Variants in PPFIBP2 observed in about 807,000 individuals in gnomAD.
PPFIBP2 encodes PPFIB scaffold protein 2.
A neutral mutation model predicts 118.3 loss-of-function variants in PPFIBP2; 118 were observed. That is an observed-to-expected ratio of 1.00 (90% CI 0.86 to 1.16). The LOEUF (loss-of-function observed/expected upper bound fraction) is 1.16, where lower values mean the gene tolerates loss of function less well. PPFIBP2 is among the 50% of genes most tolerant of loss of function. PPFIBP2 has a pLI of 0.00. For missense variants in PPFIBP2, 1,195 were observed against 1,073.1 expected, an observed-to-expected ratio of 1.11 and a Z score of -1.59; for synonymous variants, 414 against 397.4, an observed-to-expected ratio of 1.04 and a Z score of -0.50.
At chr11:7,665,516 G>C in the PPFIBP2 span, 4 of 1,612,342 alleles carry the variant, frequency 2.5e-6, no homozygotes, top group Non-Finnish European at 3.4e-6. Context: ...GATCATGTCG[G>C]CAGTAACGAA....
intron 17 of PPFIBP2, among the ~76,000 whole-genome samples, chr11:7,647,669 T>C (rs895971009): frequency 6.6e-6 from 1 of 152,226 alleles, no homozygotes; most frequent in African/African-American, 2.4e-5. Flanking sequence ...TATGTTTATA[T>C]GTGTATTTCG....
chr11:7,647,918 T>C (rs1268832374), intron 17 of PPFIBP2, among the ~76,000 whole-genome samples: 1 of 152,246 alleles, frequency 6.6e-6, no homozygotes, highest in African/African-American at 2.4e-5. Flanking sequence ...CTGTTGTTGA[T>C]TGGCAAGTTT....
chr11:7,647,915 T>C (rs1433305014), intron 17 of PPFIBP2, among the ~76,000 whole-genome samples: 1 of 152,246 alleles, frequency 6.6e-6, no homozygotes, highest in Non-Finnish European at 1.5e-5. Flanking sequence ...TAGCTGTTGT[T>C]GATTGGCAAG....
At chr11:7,526,747 C>T (rs940166875) in intron 1 of PPFIBP2, among the ~76,000 whole-genome samples, 3 of 152,108 alleles carry the variant, frequency 2.0e-5, no homozygotes, top group African/African-American at 7.2e-5. Flanking sequence ...TATGCGGAAG[C>T]TTCTCTATCC....
intron 1 of PPFIBP2, among the ~76,000 whole-genome samples, chr11:7,534,510 A>G (rs1297413877): frequency 6.6e-6 from 1 of 152,296 alleles, no homozygotes; most frequent in East Asian, 1.9e-4. Context: ...AATTGTGTGT[A>G]TGCATGTGTG....
At chr11:7,665,597 C>A in the PPFIBP2 span, 7 of 1,541,344 alleles carry the variant, frequency 4.5e-6, no homozygotes, top group South Asian at 1.3e-5. Flanking sequence ...GGTGGAGTTC[C>A]TGATCCCAGG....
At chr11:7,629,051 C>G (rs1850405724) in intron 9 of PPFIBP2, among the ~76,000 whole-genome samples, 2 of 152,198 alleles carry the variant, frequency 1.3e-5, no homozygotes, top group Non-Finnish European at 2.9e-5. Context: ...TATGAGGTAT[C>G]TCAGACTCCT....
intron 17 of PPFIBP2, among the ~76,000 whole-genome samples, chr11:7,646,778 A>T (rs1475539480): frequency 6.6e-6 from 1 of 152,208 alleles, no homozygotes; most frequent in Non-Finnish European, 1.5e-5. Flanking sequence ...CCCATCTCTG[A>T]AATAACAAAT....
At chr11:7,651,602 C>A in intron 22 of PPFIBP2, 54 bp from the exon 23 acceptor site, 1 of 1,518,684 alleles carries the variant, frequency 6.6e-7, no homozygotes, top group South Asian at 1.2e-5. Flanking sequence ...GCATCCTCCC[C>A]CTCGAGCCAT....
intron 1 of PPFIBP2, among the ~76,000 whole-genome samples, chr11:7,531,609 G>A (rs1442621059): frequency 1.3e-5 from 2 of 152,218 alleles, no homozygotes; most frequent in East Asian, 3.9e-4. Flanking sequence ...GAGGCCGACA[G>A]CCCTGGAGAG....
intron 1 of PPFIBP2, among the ~76,000 whole-genome samples, chr11:7,518,150 G>C (rs1403209841): frequency 6.6e-6 from 1 of 152,358 alleles, no homozygotes; most frequent in African/African-American, 2.4e-5. Flanking sequence ...CATCATGATT[G>C]TTAAAGACTT....
At chr11:7,615,991 T>C (rs903015255) in intron 6 of PPFIBP2, among the ~76,000 whole-genome samples, 3 of 151,892 alleles carry the variant, frequency 2.0e-5, no homozygotes, top group Non-Finnish European at 4.4e-5. Context: ...TAGAGGTCTC[T>C]TGAAAGGAAG....
At position 7,597,606 on chromosome 11, in the gene PPFIBP2, G is replaced by C. The variant is rs142338414; in HGVS notation, c.419G>C (p.Arg140Pro). The change falls in exon 5 of 24, where the codon CGA becomes CCA. Residue 140 changes from arginine to proline, a missense_variant. Arg to Pro is a moderately radical substitution (Grantham distance 103). Transcript: ENST00000299492. ...GTAGAAGCCCAGGGAGAAAAGATTC[G>C]AGACCTGGAAGTGTGTCTGGAAGGA... ...DQVEAQGEKIRDLEVCLEGHQ... is the reference protein window; with the variant it reads ...DQVEAQGEKIPDLEVCLEGHQ... 1.6e-4 allele frequency: 258 copies of C among 1,614,024 alleles called. 1 individual carries two copies. The highest frequency in any genetic ancestry group is 1.9e-4 in the Non-Finnish European group (225 of 1,180,006).
chr11:7,629,386 C>A, intron 9 of PPFIBP2, 73 bp from the exon 10 acceptor site: 1 of 1,405,922 alleles, frequency 7.1e-7, no homozygotes, highest in Non-Finnish European at 1.0e-6. Flanking sequence ...AAGAACATAG[C>A]GTGGGTTCCA....
chr11:7,641,782 A>G (rs1852235072), intron 16 of PPFIBP2, 162 bp downstream of exon 16: 3 of 767,288 alleles, frequency 3.9e-6, no homozygotes, highest in Admixed American at 5.8e-5. Flanking sequence ...CAGGGCCAAG[A>G]GAAGGAGAAG....
rs751532860 is a variant in PPFIBP2 at position 7,650,883 on chromosome 11, G to T, written c.2165G>T (p.Arg722Met). Residue 722 changes from arginine to methionine, a missense_variant, in exon 22 of 24, where the codon AGG (arginine) becomes ATG (methionine). Physicochemically the swap from Arg to Met is moderately conservative, Grantham distance 91. Coordinates refer to ENST00000299492, the MANE Select transcript of PPFIBP2 (RefSeq NM_003621.5). Reference protein sequence around the residue: ...PSEVVQWSNHRVMEWLRSVDL... With the variant: ...PSEVVQWSNHMVMEWLRSVDL... Reference sequence around the variant, plus strand: ...GAAGTTGTACAGTGGTCCAACCACAGGGTGATGGAGTGGTTACGATCTGTG... The same window carrying T: ...GAAGTTGTACAGTGGTCCAACCACATGGTGATGGAGTGGTTACGATCTGTG... 17 of 1,613,932 alleles carry T rather than the reference G, an allele frequency of 1.1e-5. No individual in the cohort carries two copies. The highest frequency in any genetic ancestry group is 3.3e-5 in the Admixed American group (2 of 60,006).
At chr11:7,558,686 G>A (rs1457720158) in intron 2 of PPFIBP2, among the ~76,000 whole-genome samples, 2 of 151,968 alleles carry the variant, frequency 1.3e-5, no homozygotes, top group South Asian at 2.1e-4. Context: ...AACCTGGGAG[G>A]CGGAGGTTGC....
At chr11:7,582,368 C>T (rs1252299804) in intron 3 of PPFIBP2, among the ~76,000 whole-genome samples, 1 of 152,196 alleles carries the variant, frequency 6.6e-6, no homozygotes. Context: ...GGCCAACACA[C>T]CCGAGATGCC....
At chr11:7,556,306 T>G (rs1447035454) in intron 2 of PPFIBP2, among the ~76,000 whole-genome samples, 1 of 152,040 alleles carries the variant, frequency 6.6e-6, no homozygotes, top group African/African-American at 2.4e-5. Flanking sequence ...GTACAAAAAA[T>G]TAGCCGGGTG....
Sources: allele counts gnomAD v4.1 joint callset (sites outside exome capture counted in the v4.1 genomes callset), GRCh38; gene constraint gnomAD v4.1.1; transcripts MANE v1.5; gene names NCBI Gene and HGNC (gene_info 2026-07-23, HGNC 2026-07-21).